ZDHHC13: variants seen among roughly 807,000 people sequenced by gnomAD.
ZDHHC13 encodes the protein palmitoyltransferase ZDHHC13.
Under a neutral mutation model 86.0 loss-of-function variants are expected in ZDHHC13, and 85 were observed. The observed-to-expected ratio is 0.99, with a 90% CI of 0.83 to 1.18. The LOEUF (loss-of-function observed/expected upper bound fraction) is 1.18. Ranked by LOEUF, ZDHHC13 falls within the 50% of genes most tolerant of loss-of-function variation. The pLI, the probability that ZDHHC13 is intolerant of heterozygous loss-of-function variation, is 0.00. For missense variants in ZDHHC13, 711 were observed against 730.2 expected (o/e 0.97, Z 0.30); for synonymous variants, 263 against 246.4 (o/e 1.07, Z -0.63).
chr11:19,134,690 C>G (rs961136167), intron 1 of ZDHHC13, among the ~76,000 whole-genome samples: 4 of 151,228 alleles, frequency 2.6e-5, no homozygotes, highest in Admixed American at 2.6e-4. Context: ...GGGAACATTA[C>G]ACACTGCGGT....
At chr11:19,138,639 A>T (rs1849217635) in intron 1 of ZDHHC13, among the ~76,000 whole-genome samples, 1 of 150,060 alleles carries the variant, frequency 6.7e-6, no homozygotes, top group South Asian at 2.1e-4. Flanking sequence ...AATATCCTTG[A>T]TGAACATTGA....
chr11:19,165,158 A>C lies in ZDHHC13; in HGVS notation c.1390+13A>C. Reference sequence around the variant, plus strand: ...GGACGGTGCATAGGTGAGAGATTTAATTTTTCAATTACTACTGTGAAGTTA... The same window carrying C: ...GGACGGTGCATAGGTGAGAGATTTACTTTTTCAATTACTACTGTGAAGTTA... On this transcript the variant is annotated intron_variant, in intron 13 of 16. Transcript: ENST00000446113. 1 of 1,603,852 alleles carries C rather than the reference A, an allele frequency of 6.2e-7. No homozygotes were observed. The highest frequency in any genetic ancestry group is 8.5e-7 in the Non-Finnish European group (1 of 1,174,820).
At chr11:19,147,755 G>A in intron 4 of ZDHHC13, 82 bp downstream of exon 4, 1 of 736,552 alleles carries the variant, frequency 1.4e-6, no homozygotes, top group Non-Finnish European at 2.0e-6. Flanking sequence ...TAGACGATTT[G>A]AAAGGCTGTC....
chr11:19,175,629 A>G (rs892603955), intron 16 of ZDHHC13, among the ~76,000 whole-genome samples, 193 bp from the exon 17 acceptor site: 4 of 152,154 alleles, frequency 2.6e-5, no homozygotes, highest in Non-Finnish European at 5.9e-5. Flanking sequence ...ATCTCCAAAT[A>G]TAGATTCAGG....
At chr11:19,136,037 C>G (rs1353652828) in intron 1 of ZDHHC13, among the ~76,000 whole-genome samples, 1 of 152,252 alleles carries the variant, frequency 6.6e-6, no homozygotes, top group African/African-American at 2.4e-5. Context: ...CAAAGGAACG[C>G]AGTTCCTCAC....
chr11:19,158,915 C>A, intron 9 of ZDHHC13, 25 bp from the exon 10 acceptor site: 1 of 1,438,388 alleles, frequency 7.0e-7, no homozygotes, highest in Non-Finnish European at 9.4e-7. Flanking sequence ...ATACTAATAA[C>A]TTATATTTAT....
intron 1 of ZDHHC13, among the ~76,000 whole-genome samples, chr11:19,130,263 C>T (rs1267651369): frequency 6.6e-6 from 1 of 152,078 alleles, no homozygotes; most frequent in Non-Finnish European, 1.5e-5. Flanking sequence ...TTATTTATTA[C>T]TTTTAAGATC....
intron 10 of ZDHHC13, among the ~76,000 whole-genome samples, chr11:19,161,016 G>C (rs1849895847): frequency 6.6e-6 from 1 of 151,900 alleles, no homozygotes; most frequent in African/African-American, 2.4e-5. Context: ...ATATGAACCT[G>C]CTACTTGTGA....
At chr11:19,170,100 A>C (rs1850178127) in intron 14 of ZDHHC13, 4 of 1,144,424 alleles carry the variant, frequency 3.5e-6, no homozygotes, top group Non-Finnish European at 1.1e-6. Flanking sequence ...CTAAACAAAT[A>C]ATTAACTTCA....
In ZDHHC13 at chr11:19,117,353, G is replaced by A; in HGVS notation, c.27+77G>A. 7.3e-7 allele frequency: 1 copy of A among 1,365,218 alleles called. No homozygotes were observed. The highest frequency in any genetic ancestry group is 9.5e-7 in the Non-Finnish European group (1 of 1,049,874). The allele number at this position is 1,365,218 out of a possible 1,614,324, so 84.6% of individuals were successfully genotyped here. On this transcript the variant is annotated intron_variant, in intron 1 of 16. Coordinates refer to ENST00000446113, the MANE Select transcript of ZDHHC13 (RefSeq NM_019028.3). The surrounding 1 kb of genome is among the most constrained non-coding windows in gnomAD (Gnocchi z 4.2). ...CTGTGGAGGAAAGGATGGTGTGGGT[G>A]AGAGGCCGCTCGATGAGGGGGTTTC...
chr11:19,137,475 T>C (rs1432740012), intron 1 of ZDHHC13, among the ~76,000 whole-genome samples: 1 of 151,532 alleles, frequency 6.6e-6, no homozygotes, highest in Non-Finnish European at 1.5e-5. Context: ...ATGGGAGACT[T>C]TAACACCCCA....
intron 1 of ZDHHC13, among the ~76,000 whole-genome samples, chr11:19,124,800 T>C (rs754853617): frequency 1.8e-4 from 27 of 152,266 alleles, no homozygotes; most frequent in Non-Finnish European, 3.5e-4. Flanking sequence ...AATCAGAATT[T>C]ACCTATTCAG....
intron 14 of ZDHHC13, chr11:19,169,265 A>G (rs1326209203): frequency 1.0e-6 from 1 of 985,296 alleles, no homozygotes; most frequent in Non-Finnish European, 1.2e-6. Context: ...TATCAGGTGC[A>G]TGGGATGCAT....
At chr11:19,147,551 G>A (rs965407295) in intron 3 of ZDHHC13, 45 bp from the exon 4 acceptor site, 17 of 1,494,798 alleles carry the variant, frequency 1.1e-5, no homozygotes, top group Admixed American at 1.0e-4. Context: ...TCAATATGAA[G>A]CTTAAGTTTC....
chr11:19,171,738 T>C (rs1276167376), intron 15 of ZDHHC13, among the ~76,000 whole-genome samples: 4 of 152,244 alleles, frequency 2.6e-5, no homozygotes, highest in Non-Finnish European at 5.9e-5. Context: ...GAGATGATAA[T>C]ATCCTTAATT....
In ZDHHC13 at chr11:19,163,395, T is replaced by G. The variant is rs777120735; in HGVS notation, c.1201T>G (p.Phe401Val). Residue 401 changes from phenylalanine to valine, a missense_variant, in exon 11 of 17, where the codon TTC becomes GTC. Physicochemically the swap from Phe to Val is conservative, Grantham distance 50. Coordinates refer to ENST00000446113, the MANE Select transcript of ZDHHC13 (RefSeq NM_019028.3). ...TAAGACTTGGGCAACTGATCCAGGC[T>G]TCACTAAGGCTTCTGAAGAAGAAAA... ...FYKTWATDPG[F>V]TKASEEEKKV... The G allele has an allele frequency of 1.9e-6, 3 of 1,605,912 alleles. No homozygotes were observed. In the South Asian group the frequency reaches 3.4e-5, roughly 18 times the overall value.
At position 19,165,638 on chromosome 11, in the gene ZDHHC13, C is replaced by T. The variant is rs115387482; in HGVS notation, c.1390+493C>T. Reference sequence around the variant, plus strand: ...GCTGCCTTGCCCTTCCCGCTTTCTTCCCTTCTGTAGAAGTTTCTCAGATTG... The same window carrying T: ...GCTGCCTTGCCCTTCCCGCTTTCTTTCCTTCTGTAGAAGTTTCTCAGATTG... On this transcript the variant is annotated intron_variant, in intron 13 of 16. Coordinates refer to ENST00000446113, the MANE Select transcript of ZDHHC13 (RefSeq NM_019028.3). Among the ~76,000 whole-genome samples the T allele has an allele frequency of 4.0e-3, 610 of 152,328 alleles. 5 individuals are homozygous for T. Among genetic ancestry groups the T allele is most frequent in the African/African-American group, 0.014 (588 of 41,588 alleles).
intron 3 of ZDHHC13, 129 bp from the exon 4 acceptor site, chr11:19,147,467 G>A: frequency 5.4e-6 from 4 of 733,992 alleles, no homozygotes; most frequent in Non-Finnish European, 6.6e-6. Flanking sequence ...AGATCTGGGT[G>A]TTTTAGGGAT....
chr11:19,129,927 C>T lies in ZDHHC13; in HGVS notation c.27+12651C>T, dbSNP rs891137416. 8.5e-5 allele frequency among the ~76,000 whole-genome samples: 13 copies of T among 152,164 alleles called. No homozygotes were observed. The East Asian group carries it at 2.5e-3, about 29-fold the overall frequency. On this transcript the variant is annotated intron_variant, in intron 1 of 16. Transcript: ENST00000446113. ...CTAACACGGTGAAACCCTGTCTCTACTAAAAATACAAAAAGCCGGATGTGG... is the reference window on the plus strand; with the variant it reads ...CTAACACGGTGAAACCCTGTCTCTATTAAAAATACAAAAAGCCGGATGTGG...
Sources: gnomAD v4.1 joint callset for allele counts (sites outside exome capture counted in the v4.1 genomes callset) on GRCh38, gnomAD v4.1.1 for gene constraint, Gnocchi (gnomAD v3.1) non-coding constraint, MANE v1.5 for transcripts, NCBI Gene and HGNC (gene_info 2026-07-23, HGNC 2026-07-21) for gene names.